CDK17: variants seen among roughly 807,000 people sequenced by gnomAD.
CDK17 encodes cyclin-dependent kinase 17.
Under a neutral mutation model 77.6 loss-of-function variants are expected in CDK17, and 24 were observed. The ratio of observed to expected loss-of-function variants is 0.31; its 90% confidence interval spans 0.22 to 0.44. The LOEUF is 0.44. Among genes scored for constraint, CDK17 ranks in the 20% least tolerant of loss-of-function variants. The pLI is 1.00. For synonymous variants in CDK17, 203 were observed against 210.4 expected (o/e 0.96, Z 0.30); for missense variants, 429 against 622.5 (o/e 0.69, Z 3.31).
chr12:96,319,296 G>T (rs1952780814), intron 3 of CDK17, among the ~76,000 whole-genome samples: 1 of 142,572 alleles, frequency 7.0e-6, no homozygotes, highest in Non-Finnish European at 1.5e-5. Flanking sequence ...CTGAAATTGT[G>T]GCAATAATCA....
intron 1 of CDK17, among the ~76,000 whole-genome samples, chr12:96,358,678 A>G (rs1953445409): frequency 6.6e-6 from 1 of 152,022 alleles, no homozygotes; most frequent in Non-Finnish European, 1.5e-5. Context: ...AAAAAAAGGT[A>G]GCCAGGTGTT....
rs116627321 is a variant in CDK17, at chr12:96,354,683, C to T, written c.-29-19818G>A. Among the ~76,000 whole-genome samples the T allele has an allele frequency of 7.3e-3, 1,114 of 152,130 alleles. 8 individuals carry two copies. Among genetic ancestry groups the T allele is most frequent in the African/African-American group, 0.025 (1,057 of 41,484 alleles). ...CTGTTTGAGGCCAAGAGTTCCAAGACCAGCCTTGGCAACATAGTGAGACCC... is the reference window on the plus strand; with the variant it reads ...CTGTTTGAGGCCAAGAGTTCCAAGATCAGCCTTGGCAACATAGTGAGACCC... On this transcript the variant is annotated intron_variant, in intron 1 of 16. Transcript: ENST00000261211.
chr12:96,355,037 C>G (rs1394107215), intron 1 of CDK17, among the ~76,000 whole-genome samples: 1 of 152,088 alleles, frequency 6.6e-6, no homozygotes, highest in Non-Finnish European at 1.5e-5. Flanking sequence ...CTTCAAAACC[C>G]TACAATGACT....
At chr12:96,289,036 CATT>C in intron 11 of CDK17, 128 bp downstream of exon 11, 1 of 894,444 alleles carries the variant, frequency 1.1e-6, no homozygotes, top group Non-Finnish European at 1.7e-6. Flanking sequence ...TGCCAGAACT[CATT>C]AATCACTGTT....
rs58937020 is a variant in CDK17, at chr12:96,355,398, G to GTTTTTTTTTTTTT, written c.-29-20546_-29-20534dup. 4.1e-5 allele frequency among the ~76,000 whole-genome samples: 3 copies of GTTTTTTTTTTTTT among 72,476 alleles called. 1 individual carries two copies. Among genetic ancestry groups the GTTTTTTTTTTTTT allele is most frequent in the Non-Finnish European group, 2.4e-5 (1 of 41,828 alleles). The allele number at this position is 72,476 out of a possible 152,430, so 47.5% of individuals were successfully genotyped here. A position where few individuals can be genotyped will look rare whatever the true frequency, so the allele number is the denominator to read the frequency against. ...CTTGCTGTCTAACATTCTACATTGGGTTTTTTTTTTTTTTTTTTTTTTTGG... is the reference window on the plus strand; with the variant it reads ...CTTGCTGTCTAACATTCTACATTGGGTTTTTTTTTTTTTTTTTTTTTTTTTTTTTTTTTTTTGG... On this transcript the variant is annotated intron_variant, in intron 1 of 16. Coordinates refer to ENST00000261211, the MANE Select transcript of CDK17 (RefSeq NM_002595.5).
chr12:96,298,857 T>C lies in CDK17; in HGVS notation c.715+12A>G. 7.1e-7 allele frequency: 1 copy of C among 1,415,384 alleles called. No homozygotes were observed. The highest frequency in any genetic ancestry group is 9.9e-7 in the Non-Finnish European group (1 of 1,012,566). 87.7% of individuals were successfully genotyped at this position (1,415,384 alleles called of 1,614,324 possible). ...CACTTTGATTTTAAAATGTTCTGTA[T>C]AATTATTATACCTTCTCTTATAGCT... On this transcript the variant is annotated intron_variant, in intron 7 of 16. Transcript: ENST00000261211.
At chr12:96,283,677 T>C in intron 13 of CDK17, 32 bp from the exon 14 acceptor site, 1 of 1,477,110 alleles carries the variant, frequency 6.8e-7, no homozygotes, top group Non-Finnish European at 9.4e-7. Context: ...TAAAAATTTA[T>C]GCTCTCTTAG....
Position 96,313,247 on chromosome 12 carries a change from A to T in CDK17, c.417+74T>A, listed in dbSNP as rs137979939. On this transcript the variant is annotated intron_variant, in intron 4 of 16. Transcript: ENST00000261211. ...AAATTTTTAAATGGGCATTTACTCC[A>T]CTTGATATGTATGTGTATTAACATA... The T allele has an allele frequency of 1.1e-5, 14 of 1,236,906 alleles. No homozygotes were observed. The African/African-American group carries it at 1.9e-4, about 17-fold the overall frequency. The allele number at this position is 1,236,906 out of a possible 1,614,324, so 76.6% of individuals were successfully genotyped here.
At chr12:96,373,121 T>C (rs1953719043) in intron 1 of CDK17, among the ~76,000 whole-genome samples, 1 of 152,232 alleles carries the variant, frequency 6.6e-6, no homozygotes, top group Non-Finnish European at 1.5e-5. Context: ...ACTTTGGCAC[T>C]AGTGATAAAG....
chr12:96,390,023 T>C (rs932647877), intron 1 of CDK17, among the ~76,000 whole-genome samples: 6 of 151,788 alleles, frequency 4.0e-5, no homozygotes, highest in Non-Finnish European at 5.9e-5. Flanking sequence ...AGAGACGGGG[T>C]TTCACCATGT....
intron 2 of CDK17, among the ~76,000 whole-genome samples, chr12:96,327,973 G>C (rs928921160): frequency 1.3e-5 from 2 of 152,166 alleles, no homozygotes; most frequent in Non-Finnish European, 2.9e-5. Flanking sequence ...CTGGGTCACA[G>C]ACCAGTACTG....
At chr12:96,285,914 T>C (rs1447172823) in intron 13 of CDK17, 129 bp downstream of exon 13, 3 of 507,168 alleles carry the variant, frequency 5.9e-6, no homozygotes, top group South Asian at 5.4e-5. Flanking sequence ...CAAAATTAAA[T>C]AAGATCCTAA....
intron 7 of CDK17, among the ~76,000 whole-genome samples, chr12:96,298,148 G>A (rs1431295953): frequency 3.3e-5 from 5 of 152,004 alleles, no homozygotes; most frequent in South Asian, 2.1e-4. Flanking sequence ...TTAGCCGGGC[G>A]TGATGGCGGA....
At chr12:96,377,981 C>G (rs2137221240) in intron 1 of CDK17, among the ~76,000 whole-genome samples, 1 of 152,326 alleles carries the variant, frequency 6.6e-6, no homozygotes, top group East Asian at 1.9e-4. Context: ...GCGTGAGCCA[C>G]TGCGCCCGGC....
chr12:96,383,740 G>C (rs1405421728), intron 1 of CDK17, among the ~76,000 whole-genome samples: 1 of 152,112 alleles, frequency 6.6e-6, no homozygotes, highest in African/African-American at 2.4e-5. Context: ...GAATGAAAGT[G>C]GGCCCCTACT....
intron 8 of CDK17, 99 bp downstream of exon 8, chr12:96,297,528 C>G: frequency 1.1e-6 from 1 of 893,184 alleles, no homozygotes; most frequent in Middle Eastern, 3.2e-4. Context: ...TAGCTAAGCA[C>G]AGCTGCAGTT....
chr12:96,334,806 T>G lies in CDK17; in HGVS notation c.31A>C (p.Thr11Pro), dbSNP rs898926563. The change falls in exon 2 of 17, where the codon ACA (threonine) becomes CCA (proline). Residue 11 changes from threonine to proline, a missense_variant. Thr to Pro is a conservative substitution (Grantham distance 38). Coordinates refer to ENST00000261211, the MANE Select transcript of CDK17 (RefSeq NM_002595.5). ...TCAATAGTCTGACTTCCTCGGAGTG[T>G]GAGGGATAGCCTTCTCTTAAATTTT... is the stretch of plus-strand genomic sequence containing the variant. MKKFKRRLSL[T>P]LRGSQTIDES... The G allele has an allele frequency of 9.3e-6, 15 of 1,607,714 alleles. No homozygotes were observed. The highest frequency in any genetic ancestry group is 1.2e-5 in the Non-Finnish European group (14 of 1,174,438).
At chr12:96,288,459 G>A (rs1592705802) in intron 11 of CDK17, among the ~76,000 whole-genome samples, 1 of 152,168 alleles carries the variant, frequency 6.6e-6, no homozygotes, top group Non-Finnish European at 1.5e-5. Flanking sequence ...GGACTGGTAT[G>A]AACACCAAGA....
chr12:96,302,575 G>GA (rs1264884581), intron 5 of CDK17, among the ~76,000 whole-genome samples: 2 of 151,994 alleles, frequency 1.3e-5, no homozygotes, highest in Admixed American at 6.6e-5. Flanking sequence ...GAATGTTCCT[G>GA]AAAAAAATAT....
Sources: gnomAD v4.1 joint callset for allele counts (sites outside exome capture counted in the v4.1 genomes callset) on GRCh38, gnomAD v4.1.1 for gene constraint, MANE v1.5 for transcripts, NCBI Gene and HGNC (gene_info 2026-07-23, HGNC 2026-07-21) for gene names.